The following MGST1 variants were observed in gnomAD, a reference collection of about 807,000 sequenced individuals.
The protein encoded by MGST1 is microsomal glutathione S-transferase 1.
MGST1 carries 5 observed loss-of-function variants against 8.9 expected under a neutral mutation model. The observed-to-expected ratio is 0.56, with a 90% confidence interval of 0.29 to 1.19. MGST1 has a LOEUF of 1.19. Ranked by LOEUF, MGST1 falls within the 50% of genes most tolerant of loss-of-function variation. The pLI is 0.08. For missense variants in MGST1, 182 were observed against 187.4 expected, an observed-to-expected ratio of 0.97 and a Z score of 0.17; for synonymous variants, 54 against 67.8, an observed-to-expected ratio of 0.80 and a Z score of 1.00.
rs1212564759 is a variant in MGST1, at chr12:16,364,308, CACACA to C, written c.*272_*276del. On this transcript the variant is annotated 3_prime_UTR_variant, in exon 4 of 4. Coordinates refer to ENST00000396210, the MANE Select transcript of MGST1 (RefSeq NM_020300.5). The surrounding 1 kb of genome is among the most constrained non-coding windows in gnomAD (Gnocchi z 5.7). The stretch of plus-strand genomic sequence containing the variant: ...GGATCATGTTATGATTTGTAACATT[CACACA>C]ACACCTCACTTTTGAATCTATAAAA... The C allele has an allele frequency of 9.0e-7, 1 of 1,105,698 alleles. No homozygotes were observed. The highest frequency in any genetic ancestry group is 1.1e-6 in the Non-Finnish European group (1 of 906,110). The allele number at this position is 1,105,698 out of a possible 1,614,324, so 68.5% of individuals were successfully genotyped here.
At chr12:16,507,773 G>A (rs2137175572) in intron 4 of MGST1, among the ~76,000 whole-genome samples, 2 of 152,172 alleles carry the variant, frequency 1.3e-5, no homozygotes, top group South Asian at 4.2e-4. Flanking sequence ...TCAATATCAT[G>A]AGAACAACAG....
chr12:16,545,856 T>C (rs79693373), intron 4 of MGST1, among the ~76,000 whole-genome samples: 1,724 of 152,172 alleles, frequency 0.011, 29 homozygotes, highest in African/African-American at 0.032. Flanking sequence ...TGCTCAAGCA[T>C]AAATAACTCC....
downstream of MGST1, among the ~76,000 whole-genome samples, chr12:16,378,951 C>G (rs1431618020): frequency 6.6e-6 from 1 of 151,976 alleles, no homozygotes; most frequent in Admixed American, 6.6e-5. Flanking sequence ...CTCTGTTTGT[C>G]TGTTATTCGT....
At chr12:16,498,154 TTTGAG>T (rs1941482142) in intron 4 of MGST1, among the ~76,000 whole-genome samples, 1 of 152,168 alleles carries the variant, frequency 6.6e-6, no homozygotes, top group East Asian at 1.9e-4. Flanking sequence ...CGAGTGTACT[TTTGAG>T]TTATCATTAT....
chr12:16,576,448 T>TC lies in MGST1; in HGVS notation n.483-13079dup, dbSNP rs1347213606. Among the ~76,000 whole-genome samples, 1 of 152,226 alleles carries TC rather than the reference T, an allele frequency of 6.6e-6. No individual in the cohort carries two copies. The highest frequency in any genetic ancestry group is 1.5e-5 in the Non-Finnish European group (1 of 68,046). ...CTGGAAGACTACTGCTGCTTTTTTT[T>TC]CATATTCAGATCAAATGTCAATGGA... On this transcript the variant is annotated intron_variant and non_coding_transcript_variant, in intron 4 of 4. Coordinates refer to the MGST1 transcript ENST00000538857. This position sits in a 1 kb window ranked among gnomAD's most constrained non-coding sequence, Gnocchi z 4.1.
chr12:16,431,467 T>C (rs1940939573), intron 1 of MGST1, among the ~76,000 whole-genome samples: 1 of 152,126 alleles, frequency 6.6e-6, no homozygotes, highest in Non-Finnish European at 1.5e-5. Context: ...TTTTTTTTTT[T>C]ACTTGAACTC....
At chr12:16,494,907 A>G (rs1379491932) in intron 4 of MGST1, among the ~76,000 whole-genome samples, 1 of 152,138 alleles carries the variant, frequency 6.6e-6, no homozygotes, top group Non-Finnish European at 1.5e-5. Context: ...TCTTATATCA[A>G]TGTTTACTGT....
intron 4 of MGST1, among the ~76,000 whole-genome samples, chr12:16,577,996 C>T (rs954165635): frequency 1.1e-4 from 17 of 152,192 alleles, no homozygotes; most frequent in African/African-American, 4.1e-4. Context: ...AACACTACAA[C>T]TAATTCCACC....
chr12:16,583,869 T>C (rs1437353152), intron 4 of MGST1, among the ~76,000 whole-genome samples: 1 of 152,078 alleles, frequency 6.6e-6, no homozygotes, highest in African/African-American at 2.4e-5. Flanking sequence ...AAGATAGAAG[T>C]CTTAAAGGTT....
At position 16,410,790 on chromosome 12, in the gene MGST1, C is replaced by T. The variant is rs186228467; in HGVS notation, n.779-26598C>T. On this transcript the variant is annotated intron_variant and non_coding_transcript_variant, in intron 1 of 1. Coordinates refer to the MGST1 transcript ENST00000359720. This position sits in a 1 kb window ranked among gnomAD's most constrained non-coding sequence, Gnocchi z 4.4. ...TTATGTCATCTCCCCATATCCCAAA[C>T]CCTTCACCAGCTTCTCATTATTCAC... 3.8e-3 allele frequency among the ~76,000 whole-genome samples: 572 copies of T among 151,506 alleles called. 2 individuals are homozygous for T. The highest frequency in any genetic ancestry group is 6.2e-3 in the South Asian group (30 of 4,806).
intron 1 of MGST1, among the ~76,000 whole-genome samples, chr12:16,436,579 G>A (rs1344936286): frequency 6.6e-6 from 1 of 151,828 alleles, no homozygotes. Context: ...GTAAAAGGAA[G>A]TATTTCAGGA....
chr12:16,388,670 C>G (rs1322088793), intron 1 of MGST1, among the ~76,000 whole-genome samples: 1 of 152,208 alleles, frequency 6.6e-6, no homozygotes, highest in Non-Finnish European at 1.5e-5. Context: ...AATGCTTACT[C>G]TCAATTTCTG....
At chr12:16,475,030 G>C (rs1941312412) in intron 4 of MGST1, among the ~76,000 whole-genome samples, 1 of 152,148 alleles carries the variant, frequency 6.6e-6, no homozygotes, top group Non-Finnish European at 1.5e-5. Context: ...GTCTAAATTT[G>C]TAACTCAGGG....
At chr12:16,543,056 T>G (rs1941801586) in intron 4 of MGST1, among the ~76,000 whole-genome samples, 1 of 152,186 alleles carries the variant, frequency 6.6e-6, no homozygotes, top group Non-Finnish European at 1.5e-5. Flanking sequence ...TCCTCAGTTA[T>G]TACCTGTTAC....
chr12:16,412,491 A>G (rs1041556894), intron 1 of MGST1, among the ~76,000 whole-genome samples: 3 of 152,198 alleles, frequency 2.0e-5, no homozygotes, highest in African/African-American at 7.2e-5. Flanking sequence ...TAATATTTCA[A>G]CTTTGACATC....
At chr12:16,566,528 G>T (rs1316103391) in intron 4 of MGST1, among the ~76,000 whole-genome samples, 4 of 151,712 alleles carry the variant, frequency 2.6e-5, no homozygotes, top group African/African-American at 9.7e-5. Context: ...CTAGAAATAT[G>T]TACCATTATA....
intron 4 of MGST1, among the ~76,000 whole-genome samples, chr12:16,460,597 GTTT>G (rs368666166): frequency 1.5e-5 from 2 of 131,994 alleles, no homozygotes; most frequent in Admixed American, 7.7e-5. Flanking sequence ...ATTCAGGTCA[GTTT>G]TTTTTTTTTT....
intron 1 of MGST1, chr12:16,383,727 C>G (rs1350123904): frequency 6.6e-6 from 1 of 152,246 alleles, no homozygotes; most frequent in East Asian, 1.9e-4. Context: ...TCCCAAAGTG[C>G]TGGGATTACA....
In MGST1 at chr12:16,544,385, A is replaced by G. The variant is rs1941810869; in HGVS notation, n.483-45143A>G. ...ATGCATACAAAAGAGTTGTCATACAAAAGAGAAAAAGCCAAATATGATATA... is the reference window on the plus strand; with the variant it reads ...ATGCATACAAAAGAGTTGTCATACAGAAGAGAAAAAGCCAAATATGATATA... On this transcript the variant is annotated intron_variant and non_coding_transcript_variant, in intron 4 of 4. Coordinates refer to the MGST1 transcript ENST00000538857. The surrounding 1 kb of genome is among the most constrained non-coding windows in gnomAD (Gnocchi z 4.8). Among the ~76,000 whole-genome samples, 1 of 152,066 alleles carries G rather than the reference A, an allele frequency of 6.6e-6. No homozygotes were observed. Among genetic ancestry groups the G allele is most frequent in the Non-Finnish European group, 1.5e-5 (1 of 67,968 alleles).
Sources: gnomAD v4.1 joint callset for allele counts (sites outside exome capture counted in the v4.1 genomes callset) on GRCh38, gnomAD v4.1.1 for gene constraint, Gnocchi (gnomAD v3.1) non-coding constraint, MANE v1.5 for transcripts, NCBI Gene and HGNC (gene_info 2026-07-23, HGNC 2026-07-21) for gene names.